Variants in SLCO3A1 observed in about 807,000 individuals in gnomAD.
SLCO3A1 encodes solute carrier organic anion transporter family member 3A1.
A neutral mutation model predicts 63.1 loss-of-function variants in SLCO3A1; 27 were observed. That is an observed-to-expected ratio of 0.43 (90% CI 0.32 to 0.59). The LOEUF (loss-of-function observed/expected upper bound fraction) is 0.59, where lower values mean the gene tolerates loss of function less well. Among genes scored for constraint, SLCO3A1 ranks in the 20% least tolerant of loss-of-function variants. The pLI is 0.09. For synonymous variants in SLCO3A1, 473 were observed against 409.9 expected (o/e 1.15, Z -1.86); for missense variants, 773 against 945.8 (o/e 0.82, Z 2.40).
At chr15:91,964,977 G>C (rs1900603932) in intron 2 of SLCO3A1, among the ~76,000 whole-genome samples, 1 of 151,990 alleles carries the variant, frequency 6.6e-6, no homozygotes, top group African/African-American at 2.4e-5. Context: ...AGACTTTTCT[G>C]CGTGTGCCAT....
intron 2 of SLCO3A1, among the ~76,000 whole-genome samples, chr15:92,080,380 A>G (rs985166561): frequency 2.6e-5 from 4 of 151,492 alleles, no homozygotes; most frequent in African/African-American, 4.8e-5. Flanking sequence ...TGGCAAGCCC[A>G]ATACATGGAG....
At chr15:91,914,373 G>A (rs1210817508) in intron 1 of SLCO3A1, among the ~76,000 whole-genome samples, 1 of 152,120 alleles carries the variant, frequency 6.6e-6, no homozygotes, top group African/African-American at 2.4e-5. Context: ...GTAGAATCCA[G>A]GCTGGGAGAG....
chr15:92,110,144 C>T (rs971090914), intron 4 of SLCO3A1, among the ~76,000 whole-genome samples: 5 of 152,154 alleles, frequency 3.3e-5, no homozygotes, highest in African/African-American at 1.2e-4. Flanking sequence ...AGAAGGTTCA[C>T]CTTTTGAGGA....
chr15:92,150,205 T>C (rs1187419335), intron 8 of SLCO3A1, among the ~76,000 whole-genome samples: 1 of 152,210 alleles, frequency 6.6e-6, no homozygotes, highest in Non-Finnish European at 1.5e-5. Flanking sequence ...GTTGGAAGGC[T>C]AGGCCCATCT....
intron 2 of SLCO3A1, among the ~76,000 whole-genome samples, chr15:91,920,929 C>T (rs188892208): frequency 1.3e-5 from 2 of 152,262 alleles, no homozygotes; most frequent in African/African-American, 4.8e-5. Flanking sequence ...GGATTTCCTA[C>T]CATACTTCCT....
chr15:92,093,790 AT>A (rs1443601797), intron 2 of SLCO3A1, among the ~76,000 whole-genome samples: 1 of 152,110 alleles, frequency 6.6e-6, no homozygotes, highest in East Asian at 1.9e-4. Flanking sequence ...CACCGAGAGA[AT>A]TTAGGGTGAG....
chr15:92,054,630 G>A (rs1310134405), intron 2 of SLCO3A1, among the ~76,000 whole-genome samples: 1 of 151,846 alleles, frequency 6.6e-6, no homozygotes, highest in Non-Finnish European at 1.5e-5. Flanking sequence ...AGGCCCCAGG[G>A]TGTGTTGTTC....
intron 2 of SLCO3A1, among the ~76,000 whole-genome samples, chr15:92,042,903 G>C (rs1160067815): frequency 6.6e-6 from 1 of 152,142 alleles, no homozygotes; most frequent in Non-Finnish European, 1.5e-5. Flanking sequence ...GAAGTCATCA[G>C]CAGGTGTTAA....
chr15:92,102,190 G>A (rs1026261107), intron 3 of SLCO3A1, among the ~76,000 whole-genome samples: 3 of 151,984 alleles, frequency 2.0e-5, no homozygotes, highest in Non-Finnish European at 4.4e-5. Flanking sequence ...TCATTGCTTG[G>A]CAGCAGGTGA....
At chr15:92,100,236 T>C (rs2151542157) in intron 3 of SLCO3A1, among the ~76,000 whole-genome samples, 1 of 152,306 alleles carries the variant, frequency 6.6e-6, no homozygotes, top group Middle Eastern at 3.4e-3. Context: ...TGCAACCCTT[T>C]TCTCCTGTCC....
At chr15:92,039,125 C>T (rs1159810229) in intron 2 of SLCO3A1, among the ~76,000 whole-genome samples, 1 of 152,132 alleles carries the variant, frequency 6.6e-6, no homozygotes, top group Non-Finnish European at 1.5e-5. Flanking sequence ...ACCGGAAAAA[C>T]CCTAGAAGAA....
At position 92,165,214 on chromosome 15, in the gene SLCO3A1, T is replaced by TG. The variant is rs2048483929; in HGVS notation, c.*2080dup. 6.1e-6 allele frequency: 6 copies of TG among 985,448 alleles called. No homozygotes were observed. In the South Asian group the frequency reaches 2.8e-4, roughly 46 times the overall value. The allele number at this position is 985,448 out of a possible 1,614,324, so 61.0% of individuals were successfully genotyped here. On this transcript the variant is annotated 3_prime_UTR_variant, in exon 10 of 10. Transcript: ENST00000318445. ...TCAGCTACCTGGGGCAGGATGCTTC[T>TG]GAGACAGGCCTTTCAACTGCTTAGT...
chr15:92,169,461 C>T (rs982372232), downstream of SLCO3A1, among the ~76,000 whole-genome samples: 4 of 152,226 alleles, frequency 2.6e-5, no homozygotes, highest in African/African-American at 7.2e-5. Context: ...CCTGATGTAA[C>T]AACCAGGACA....
At chr15:91,899,358 C>T (rs1443246950) in intron 1 of SLCO3A1, among the ~76,000 whole-genome samples, 1 of 152,270 alleles carries the variant, frequency 6.6e-6, no homozygotes, top group Non-Finnish European at 1.5e-5. Context: ...CTGGTTAGTT[C>T]ACCAACTGTC....
intron 2 of SLCO3A1, among the ~76,000 whole-genome samples, chr15:92,006,428 G>A (rs1213401696): frequency 6.6e-6 from 1 of 152,184 alleles, no homozygotes; most frequent in African/African-American, 2.4e-5. Context: ...AAGAGCACAG[G>A]TGCTTTTTGG....
intron 2 of SLCO3A1, among the ~76,000 whole-genome samples, chr15:92,073,969 G>A (rs947891017): frequency 3.9e-5 from 6 of 152,180 alleles, no homozygotes; most frequent in Non-Finnish European, 5.9e-5. Flanking sequence ...AGGAGTTTAA[G>A]ACCAACCTGG....
intron 2 of SLCO3A1, among the ~76,000 whole-genome samples, chr15:92,026,215 G>A (rs1467616252): frequency 6.6e-6 from 1 of 152,210 alleles, no homozygotes; most frequent in Non-Finnish European, 1.5e-5. Flanking sequence ...AGGAACTGCA[G>A]TCTTGGGTGT....
Position 91,862,020 on chromosome 15 carries a change from T to C in SLCO3A1, c.180+7932T>C, listed in dbSNP as rs1325861071. On this transcript the variant is annotated intron_variant, in intron 1 of 9. Transcript: ENST00000318445. This position sits in a 1 kb window ranked among gnomAD's most constrained non-coding sequence, Gnocchi z 4.0. ...CATCTTTCCCTTTTGCCCTCATGAT[T>C]TCCTTTATAAATACCCCTGCCATGA... 6.6e-6 allele frequency among the ~76,000 whole-genome samples: 1 copy of C among 152,200 alleles called. No individual in the cohort carries two copies. Among genetic ancestry groups the C allele is most frequent in the Non-Finnish European group, 1.5e-5 (1 of 68,032 alleles).
chr15:92,114,872 G>A (rs549151162), intron 4 of SLCO3A1, among the ~76,000 whole-genome samples: 2 of 152,112 alleles, frequency 1.3e-5, no homozygotes, highest in Admixed American at 6.5e-5. Context: ...TCCCAGCTCT[G>A]CATTCTTGGG....
Sources: gnomAD v4.1 joint callset for allele counts (sites outside exome capture counted in the v4.1 genomes callset) on GRCh38, gnomAD v4.1.1 for gene constraint, Gnocchi (gnomAD v3.1) non-coding constraint, MANE v1.5 for transcripts, NCBI Gene and HGNC (gene_info 2026-07-23, HGNC 2026-07-21) for gene names.